RASA1: variants seen among roughly 807,000 people sequenced by gnomAD.
RASA1 encodes the protein ras GTPase-activating protein 1.
A neutral mutation model predicts 132.2 loss-of-function variants in RASA1; 25 were observed. The observed-to-expected ratio is 0.19, with a 90% CI of 0.14 to 0.26. RASA1 has a LOEUF of 0.26. Among genes scored for constraint, RASA1 ranks in the 10% least tolerant of loss-of-function variants. RASA1 has a pLI of 1.00. For synonymous variants in RASA1, 477 were observed against 449.9 expected, an observed-to-expected ratio of 1.06 and a Z score of -0.76; for missense variants, 964 against 1,299.2, an observed-to-expected ratio of 0.74 and a Z score of 3.97.
chr5:87,328,543 C>A (rs1177125726), intron 1 of RASA1, among the ~76,000 whole-genome samples: 1 of 152,086 alleles, frequency 6.6e-6, no homozygotes, highest in Non-Finnish European at 1.5e-5. Flanking sequence ...CCAAAGTGTT[C>A]ACTCTTGGGA....
At chr5:87,372,628 T>A (rs1398005003) in intron 13 of RASA1, among the ~76,000 whole-genome samples, 1 of 152,180 alleles carries the variant, frequency 6.6e-6, no homozygotes, top group Non-Finnish European at 1.5e-5. Context: ...TTTAATCTTA[T>A]TTGAAACTGT....
intron 1 of RASA1, among the ~76,000 whole-genome samples, chr5:87,325,249 C>T (rs1164569878): frequency 6.6e-6 from 1 of 152,122 alleles, no homozygotes; most frequent in African/African-American, 2.4e-5. Flanking sequence ...GGGTAACTGC[C>T]CCCATAATTC....
intron 1 of RASA1, among the ~76,000 whole-genome samples, chr5:87,285,775 C>G (rs193228399): frequency 3.0e-4 from 45 of 151,742 alleles, no homozygotes; most frequent in African/African-American, 1.0e-3. Flanking sequence ...CACACCACCA[C>G]GCCCAGCTAA....
intron 1 of RASA1, among the ~76,000 whole-genome samples, chr5:87,307,214 C>G (rs181825065): frequency 3.9e-5 from 6 of 152,202 alleles, no homozygotes; most frequent in African/African-American, 1.2e-4. Context: ...CTTTTGTATT[C>G]TTTTCTGTAT....
chr5:87,271,659 T>C (rs1580183227), intron 1 of RASA1, among the ~76,000 whole-genome samples: 1 of 151,724 alleles, frequency 6.6e-6, no homozygotes, highest in Admixed American at 6.6e-5. Context: ...ATTTTCATAT[T>C]TTTAGTAGAG....
chr5:87,275,816 C>T (rs1271600950), intron 1 of RASA1, among the ~76,000 whole-genome samples: 1 of 152,146 alleles, frequency 6.6e-6, no homozygotes, highest in Non-Finnish European at 1.5e-5. Context: ...TGATCTGCCA[C>T]CTTGGCCTCC....
At chr5:87,273,205 GAATCA>G (rs1469572620) in intron 1 of RASA1, among the ~76,000 whole-genome samples, 1 of 152,096 alleles carries the variant, frequency 6.6e-6, no homozygotes, top group East Asian at 1.9e-4. Flanking sequence ...TGTACGTGGT[GAATCA>G]TTAGTCTCAT....
chr5:87,350,506 A>AT (rs1201169946), intron 8 of RASA1, among the ~76,000 whole-genome samples: 1 of 151,742 alleles, frequency 6.6e-6, no homozygotes, highest in African/African-American at 2.4e-5. Flanking sequence ...ACATGAATTT[A>AT]TTTTTTTGAA....
intron 15 of RASA1, 137 bp downstream of exon 15, chr5:87,375,053 C>G (rs1407259176): frequency 8.5e-7 from 1 of 1,181,690 alleles, no homozygotes; most frequent in African/African-American, 1.6e-5. Context: ...TCTTTCTGTA[C>G]TTCTTAAAGT....
chr5:87,356,511 T>A (rs1014819445), intron 9 of RASA1, among the ~76,000 whole-genome samples: 1 of 151,828 alleles, frequency 6.6e-6, no homozygotes, highest in African/African-American at 2.4e-5. Flanking sequence ...TGCCTCAGGC[T>A]CCCCAGTAGC....
At chr5:87,309,868 C>A (rs1011275018) in intron 1 of RASA1, among the ~76,000 whole-genome samples, 1 of 152,036 alleles carries the variant, frequency 6.6e-6, no homozygotes. Flanking sequence ...AAGCATCTTA[C>A]TGAATGTTGT....
intron 1 of RASA1, among the ~76,000 whole-genome samples, chr5:87,277,472 G>A (rs140101449): frequency 6.6e-6 from 1 of 152,298 alleles, no homozygotes; most frequent in East Asian, 1.9e-4. Context: ...AGGAGTATGA[G>A]TGCATCAAGA....
intron 1 of RASA1, among the ~76,000 whole-genome samples, chr5:87,309,748 A>G (rs980025311): frequency 6.6e-6 from 1 of 152,090 alleles, no homozygotes; most frequent in African/African-American, 2.4e-5. Flanking sequence ...AGATTATCAT[A>G]TATCAGTATT....
chr5:87,383,857 A>AT, intron 21 of RASA1, 77 bp downstream of exon 21: 2 of 1,254,116 alleles, frequency 1.6e-6, no homozygotes, highest in Non-Finnish European at 2.3e-6. Context: ...ATACTCTTAA[A>AT]TCTTTTTTTT....
intron 1 of RASA1, among the ~76,000 whole-genome samples, chr5:87,288,720 A>T (rs763261814): frequency 4.6e-5 from 7 of 152,042 alleles, no homozygotes; most frequent in Non-Finnish European, 1.0e-4. Flanking sequence ...TTGGGTCCAG[A>T]TTGCATGTTC....
chr5:87,391,589 CAAGTA>C lies in RASA1; in HGVS notation c.*709_*713del, dbSNP rs1278538799. 19 of 234,886 alleles carry C rather than the reference CAAGTA, an allele frequency of 8.1e-5. No homozygotes were observed. Among genetic ancestry groups the C allele is most frequent in the South Asian group, 3.5e-4 (2 of 5,708 alleles). 14.6% of individuals were successfully genotyped at this position (234,886 alleles called of 1,614,324 possible). A position where few individuals can be genotyped will look rare whatever the true frequency, so the allele number is the denominator to read the frequency against. ...CTCATAATGCTTTGTTAAATGTTTACAAGTAAATAGTTTGAATTCAGTAAATATTA... is the reference window on the plus strand; with the variant it reads ...CTCATAATGCTTTGTTAAATGTTTACAATAGTTTGAATTCAGTAAATATTA... On this transcript the variant is annotated 3_prime_UTR_variant, in exon 25 of 25. Coordinates refer to ENST00000274376, the MANE Select transcript of RASA1 (RefSeq NM_002890.3).
At chr5:87,287,862 A>G (rs1236907645) in intron 1 of RASA1, among the ~76,000 whole-genome samples, 1 of 140,006 alleles carries the variant, frequency 7.1e-6, no homozygotes, top group Non-Finnish European at 1.6e-5. Context: ...CACACCATAT[A>G]TATACCATAT....
intron 5 of RASA1, 61 bp downstream of exon 5, chr5:87,338,152 G>A (rs2112386999): frequency 6.2e-7 from 1 of 1,602,952 alleles, no homozygotes; most frequent in Non-Finnish European, 8.5e-7. Flanking sequence ...TTTGGATCTT[G>A]TCCGTAATCA....
Position 87,270,980 on chromosome 5 carries a change from T to G in RASA1, c.539+1990T>G, listed in dbSNP as rs1753804638. Among the ~76,000 whole-genome samples the G allele has an allele frequency of 2.0e-5, 3 of 152,196 alleles. No individual in the cohort carries two copies. In the South Asian group the frequency reaches 6.2e-4, roughly 32 times the overall value. ...TTTGCTGGGCGCGGTGGCTCACGCC[T>G]GTAATCCCAGCACTTCGGGAGGCCG... is the stretch of plus-strand genomic sequence containing the variant. On this transcript the variant is annotated intron_variant, in intron 1 of 24. Transcript: ENST00000274376.
Sources: allele counts gnomAD v4.1 joint callset (sites outside exome capture counted in the v4.1 genomes callset), GRCh38; gene constraint gnomAD v4.1.1; transcripts MANE v1.5; gene names NCBI Gene and HGNC (gene_info 2026-07-23, HGNC 2026-07-21).